Variants in PCLO observed in about 807,000 individuals in gnomAD.
PCLO encodes the protein protein piccolo.
Under a neutral mutation model 427.5 loss-of-function variants are expected in PCLO, and 82 were observed. The observed-to-expected ratio is 0.19, with a 90% confidence interval of 0.16 to 0.23. PCLO has a LOEUF of 0.23. Ranked by LOEUF, PCLO falls within the 10% of genes least tolerant of loss-of-function variation. The probability of loss-of-function intolerance (pLI) is 1.00; values close to 1 mark genes in which losing one functional copy is unlikely to be tolerated. For missense variants in PCLO, 6,239 were observed against 6,115.9 expected (o/e 1.02, Z -0.67); for synonymous variants, 2,357 against 2,155.4 (o/e 1.09, Z -2.59).
chr7:82,769,941 C>T (rs1562777842), intron 22 of PCLO, among the ~76,000 whole-genome samples: 2 of 152,174 alleles, frequency 1.3e-5, no homozygotes, highest in South Asian at 4.1e-4. Flanking sequence ...AGATGGCAGG[C>T]AAGTCATTAA....
intron 9 of PCLO, among the ~76,000 whole-genome samples, chr7:82,896,087 T>C (rs1002532420): frequency 6.6e-6 from 1 of 151,892 alleles, no homozygotes; most frequent in Admixed American, 6.6e-5. Flanking sequence ...CTGGCAAGAA[T>C]GCAAAATGAC....
intron 6 of PCLO, among the ~76,000 whole-genome samples, chr7:82,939,384 A>G (rs998825350): frequency 1.3e-5 from 2 of 152,022 alleles, no homozygotes; most frequent in South Asian, 4.1e-4. Context: ...ATGTTGAGGT[A>G]AATATATTTT....
intron 3 of PCLO, among the ~76,000 whole-genome samples, chr7:82,995,399 G>A (rs1796473125): frequency 6.6e-6 from 1 of 151,934 alleles, no homozygotes; most frequent in African/African-American, 2.4e-5. Flanking sequence ...CAGGGTGTCC[G>A]CTGGATTGAA....
intron 3 of PCLO, among the ~76,000 whole-genome samples, chr7:82,975,944 C>T (rs1436742314): frequency 6.6e-6 from 1 of 152,186 alleles, no homozygotes; most frequent in Non-Finnish European, 1.5e-5. Context: ...CATTCCCAGG[C>T]ATGCGGAACT....
intron 17 of PCLO, 26 bp from the exon 18 acceptor site, chr7:82,826,686 T>TTAAA: frequency 1.4e-6 from 2 of 1,429,070 alleles, no homozygotes; most frequent in Non-Finnish European, 1.9e-6. Flanking sequence ...AGAAATCTAA[T>TTAAA]TAAACCTATC....
chr7:82,783,399 C>G lies in PCLO; in HGVS notation c.15007+18119G>C, dbSNP rs548574947. ...GGAGGCCGAGGCGAGCGGATCACGA[C>G]GTCAGGAGATCGAGACCATCCCGGC... On this transcript the variant is annotated intron_variant, in intron 22 of 24. Transcript: ENST00000333891. 2.1e-3 allele frequency among the ~76,000 whole-genome samples: 315 copies of G among 152,050 alleles called. 1 individual carries two copies. The highest frequency in any genetic ancestry group is 0.01 in the Middle Eastern group (3 of 294).
intron 3 of PCLO, among the ~76,000 whole-genome samples, chr7:83,010,578 T>C (rs981055740): frequency 2.0e-5 from 3 of 150,184 alleles, no homozygotes; most frequent in African/African-American, 7.3e-5. Context: ...TAAGTAATTA[T>C]AAAATAATTA....
At chr7:82,794,020 A>G (rs1562789077) in intron 22 of PCLO, among the ~76,000 whole-genome samples, 1 of 152,194 alleles carries the variant, frequency 6.6e-6, no homozygotes, top group East Asian at 1.9e-4. Flanking sequence ...AATCCCTTCC[A>G]TTTAAAATTT....
chr7:83,096,249 G>C (rs116931994), intron 3 of PCLO, among the ~76,000 whole-genome samples: 48 of 139,832 alleles, frequency 3.4e-4, no homozygotes, highest in Admixed American at 1.1e-3. Context: ...CTAGTACACA[G>C]AGAGATAAGC....
intron 3 of PCLO, 38 bp from the exon 4 acceptor site, chr7:82,966,525 T>G (rs374716612): frequency 1.5e-5 from 19 of 1,236,112 alleles, no homozygotes; most frequent in Non-Finnish European, 1.8e-5. Flanking sequence ...ATTGAATGTA[T>G]TATAATGTAT....
chr7:83,162,654 C>T lies in PCLO; in HGVS notation c.-62G>A. ...CGCGCCGCGTCCCAGTCGAGAAGCCCGCGGCCAGGGGAGCAGTCAGAGCCG... is the reference window on the plus strand; with the variant it reads ...CGCGCCGCGTCCCAGTCGAGAAGCCTGCGGCCAGGGGAGCAGTCAGAGCCG... On this transcript the variant is annotated 5_prime_UTR_variant, in exon 1 of 25. Coordinates refer to ENST00000333891, the MANE Select transcript of PCLO (RefSeq NM_033026.6). The T allele has an allele frequency of 6.8e-7, 1 of 1,474,636 alleles. No individual in the cohort carries two copies. The highest frequency in any genetic ancestry group is 8.9e-7 in the Non-Finnish European group (1 of 1,117,796). 91.3% of individuals were successfully genotyped at this position (1,474,636 alleles called of 1,614,324 possible). A position where few individuals can be genotyped will look rare whatever the true frequency, so the allele number is the denominator to read the frequency against.
chr7:82,812,463 G>A (rs866109035), intron 20 of PCLO, among the ~76,000 whole-genome samples: 22 of 151,426 alleles, frequency 1.5e-4, no homozygotes, highest in African/African-American at 5.3e-4. Flanking sequence ...TAGTTCAGAA[G>A]TGATTTTGGA....
chr7:82,831,400 T>C (rs1369134220), intron 16 of PCLO, among the ~76,000 whole-genome samples: 1 of 152,142 alleles, frequency 6.6e-6, no homozygotes, highest in Non-Finnish European at 1.5e-5. Flanking sequence ...GTCTTCTTTA[T>C]AATCTAAAAT....
intron 22 of PCLO, among the ~76,000 whole-genome samples, chr7:82,769,067 G>A (rs968543061): frequency 1.3e-5 from 2 of 152,126 alleles, no homozygotes; most frequent in African/African-American, 4.8e-5. Flanking sequence ...TTAAGTCTAA[G>A]GCTCCATTCT....
intron 3 of PCLO, among the ~76,000 whole-genome samples, chr7:82,967,819 G>A (rs1225737418): frequency 1.3e-5 from 2 of 152,158 alleles, no homozygotes; most frequent in African/African-American, 4.8e-5. Context: ...TAAAGGCTGT[G>A]TATGTAGTTC....
At chr7:82,761,734 T>A (rs1360380700) in intron 22 of PCLO, among the ~76,000 whole-genome samples, 1 of 151,214 alleles carries the variant, frequency 6.6e-6, no homozygotes, top group South Asian at 2.1e-4. Flanking sequence ...TATTCAGATA[T>A]GAATAAAATA....
intron 3 of PCLO, among the ~76,000 whole-genome samples, chr7:83,014,296 C>T (rs1037019191): frequency 1.3e-5 from 2 of 151,936 alleles, no homozygotes; most frequent in South Asian, 2.1e-4. Flanking sequence ...CCTGTTCTAC[C>T]GTCAAAATAA....
At chr7:82,939,052 T>C (rs1168545021) in intron 6 of PCLO, among the ~76,000 whole-genome samples, 2 of 152,104 alleles carry the variant, frequency 1.3e-5, no homozygotes, top group Non-Finnish European at 2.9e-5. Flanking sequence ...AATGTTGCAA[T>C]ACTGTCTGCC....
At chr7:83,052,372 A>G (rs987361865) in intron 3 of PCLO, among the ~76,000 whole-genome samples, 6 of 151,976 alleles carry the variant, frequency 3.9e-5, no homozygotes, top group Admixed American at 3.9e-4. Flanking sequence ...CAAAAACCAC[A>G]GGCTCTAGAG....
Sources: gnomAD v4.1 joint callset for allele counts (sites outside exome capture counted in the v4.1 genomes callset) on GRCh38, gnomAD v4.1.1 for gene constraint, MANE v1.5 for transcripts, NCBI Gene and HGNC (gene_info 2026-07-23, HGNC 2026-07-21) for gene names.